Variants in ZNF385D observed in about 807,000 individuals in gnomAD.
ZNF385D encodes the protein zinc finger protein 659.
Under a neutral mutation model 35.8 loss-of-function variants are expected in ZNF385D, and 15 were observed. That is an observed-to-expected ratio of 0.42 (90% CI 0.28 to 0.64). The LOEUF (loss-of-function observed/expected upper bound fraction) is 0.64, where lower values mean the gene tolerates loss of function less well. Ranked by LOEUF, ZNF385D falls within the 30% of genes least tolerant of loss-of-function variation. The probability of loss-of-function intolerance (pLI) is 0.23; values close to 1 mark genes in which losing one functional copy is unlikely to be tolerated. For synonymous variants in ZNF385D, 212 were observed against 186.8 expected (o/e 1.13, Z -1.10); for missense variants, 474 against 494.6 (o/e 0.96, Z 0.39).
chr3:22,355,061 C>A (rs1045660360), intron 2 of ZNF385D, among the ~76,000 whole-genome samples: 3 of 151,834 alleles, frequency 2.0e-5, no homozygotes, highest in Admixed American at 2.0e-4. Context: ...TGTTTGTGAG[C>A]CTCTATATTT....
intron 4 of ZNF385D, among the ~76,000 whole-genome samples, chr3:21,447,031 T>C (rs746528531): frequency 5.9e-5 from 9 of 152,198 alleles, no homozygotes; most frequent in Non-Finnish European, 1.2e-4. Context: ...TAAAGCACAG[T>C]TCATCCTCTC....
intron 3 of ZNF385D, among the ~76,000 whole-genome samples, chr3:22,124,167 A>G (rs1241485879): frequency 2.0e-5 from 3 of 151,914 alleles, no homozygotes; most frequent in East Asian, 1.9e-4. Flanking sequence ...TTTAGCTCCC[A>G]CAAGTGAGAA....
At chr3:22,168,898 G>T in exon 3 of ZNF385D, 36 of 985,810 alleles carry the variant, frequency 3.7e-5, no homozygotes, top group Non-Finnish European at 4.1e-5. Context: ...ATTTGTGCTT[G>T]AGCGGCTGAA....
At position 21,529,192 on chromosome 3, in the gene ZNF385D, G is replaced by GTC. The variant is rs2061860588; in HGVS notation, c.277-18170_277-18169insGA. On this transcript the variant is annotated intron_variant, in intron 3 of 7. Transcript: ENST00000281523. ...CTCAAATGTTCCACCTGAAACTAGA[G>GTC]ATAGAATATGACTGTGGGGTTTTCT... Among the ~76,000 whole-genome samples the GTC allele has an allele frequency of 2.0e-5, 3 of 152,114 alleles. 1 individual carries two copies. Among genetic ancestry groups the GTC allele is most frequent in the Non-Finnish European group, 4.4e-5 (3 of 68,034 alleles).
chr3:22,294,126 A>G (rs76637864), intron 2 of ZNF385D, among the ~76,000 whole-genome samples: 1 of 151,986 alleles, frequency 6.6e-6, no homozygotes, highest in Non-Finnish European at 1.5e-5. Flanking sequence ...TATAAATATA[A>G]CCTTAATATT....
rs150034567 is a variant in ZNF385D, at chr3:22,123,092, A to G, written c.325+45725T>C. On this transcript the variant is annotated intron_variant, in intron 3 of 5. Coordinates refer to the ZNF385D transcript ENST00000494108. ...TAGCATCTGACATCTGTTCTGATAG[A>G]AACACTCTGGATGATGAGTTGATAG... Among the ~76,000 whole-genome samples the G allele has an allele frequency of 4.1e-3, 620 of 152,304 alleles. 2 individuals are homozygous for G. Among genetic ancestry groups the G allele is most frequent in the Non-Finnish European group, 6.8e-3 (463 of 68,024 alleles).
At chr3:22,208,454 G>A (rs988598928) in intron 2 of ZNF385D, among the ~76,000 whole-genome samples, 1 of 151,648 alleles carries the variant, frequency 6.6e-6, no homozygotes, top group Admixed American at 6.6e-5. Context: ...GTGTGGGGTG[G>A]GTAGATGGGT....
intron 3 of ZNF385D, among the ~76,000 whole-genome samples, chr3:21,765,663 G>A (rs965627791): frequency 2.0e-5 from 3 of 151,672 alleles, no homozygotes; most frequent in Admixed American, 1.3e-4. Flanking sequence ...ATAGAAAGAG[G>A]AAGAAATAGA....
In ZNF385D at chr3:21,776,947, G is replaced by A. The variant is rs531850524; in HGVS notation, c.326-111919C>T. 3.9e-5 allele frequency among the ~76,000 whole-genome samples: 6 copies of A among 152,004 alleles called. No homozygotes were observed. The East Asian group carries it at 7.8e-4, about 20-fold the overall frequency. On this transcript the variant is annotated intron_variant, in intron 3 of 5. Coordinates refer to the ZNF385D transcript ENST00000494108. ...AGTTCTCTCCCCATAGCTGCTGAAC[G>A]GTGCTAAAGAGGAATCCCTGCAAAC...
At chr3:21,988,230 A>G (rs1000939272) in intron 3 of ZNF385D, among the ~76,000 whole-genome samples, 2 of 126,276 alleles carry the variant, frequency 1.6e-5, no homozygotes, top group African/African-American at 5.8e-5. Flanking sequence ...GTTCCTTTGG[A>G]GGAGGAGAGG....
At chr3:22,149,903 A>G (rs1048369999) in intron 3 of ZNF385D, among the ~76,000 whole-genome samples, 12 of 152,166 alleles carry the variant, frequency 7.9e-5, no homozygotes, top group African/African-American at 2.9e-4. Context: ...TGTATGTAAG[A>G]AACATTCCAG....
At chr3:21,693,882 C>CT (rs555946193) in intron 1 of ZNF385D, among the ~76,000 whole-genome samples, 2,541 of 118,308 alleles carry the variant, frequency 0.021, 49 homozygotes, top group African/African-American at 0.036. Flanking sequence ...CTTTTTTTTT[C>CT]TTTTTTTTTT....
rs1231405950 is a variant in ZNF385D at position 21,684,212 on chromosome 3, A to C, written c.23-19184T>G. Among the ~76,000 whole-genome samples, 16 of 148,804 alleles carry C rather than the reference A, an allele frequency of 1.1e-4. 1 individual carries two copies. Among genetic ancestry groups the C allele is most frequent in the African/African-American group, 3.5e-4 (14 of 40,284 alleles). On this transcript the variant is annotated intron_variant, in intron 1 of 7. Coordinates refer to ENST00000281523, the MANE Select transcript of ZNF385D (RefSeq NM_024697.3). ...TACTCCTGGCCCCTTTAGTTTATAA[A>C]GCGCCATGTTTAGGAGTTGTCTCTC... is the stretch of plus-strand genomic sequence containing the variant.
At chr3:21,810,172 T>C (rs1302634119) in intron 3 of ZNF385D, among the ~76,000 whole-genome samples, 1 of 152,060 alleles carries the variant, frequency 6.6e-6, no homozygotes, top group Non-Finnish European at 1.5e-5. Flanking sequence ...ATCTACAATG[T>C]ATAAAAAGAA....
intron 2 of ZNF385D, among the ~76,000 whole-genome samples, chr3:22,212,423 G>A (rs1697584576): frequency 6.6e-6 from 1 of 152,166 alleles, no homozygotes; most frequent in Admixed American, 6.6e-5. Context: ...AGAAATTGAT[G>A]AGCCCAGATC....
chr3:22,184,023 C>CA (rs1472029545), intron 2 of ZNF385D, among the ~76,000 whole-genome samples: 2 of 151,698 alleles, frequency 1.3e-5, no homozygotes, highest in African/African-American at 4.8e-5. Context: ...AACTAAATAT[C>CA]AACTCCAATT....
intron 2 of ZNF385D, among the ~76,000 whole-genome samples, chr3:22,358,744 G>A (rs933932867): frequency 2.0e-5 from 3 of 151,700 alleles, no homozygotes; most frequent in Non-Finnish European, 4.4e-5. Flanking sequence ...TGTGGAGCAG[G>A]CATTGGACAG....
At chr3:21,986,082 C>A (rs1361028373) in intron 3 of ZNF385D, among the ~76,000 whole-genome samples, 1 of 100,912 alleles carries the variant, frequency 9.9e-6, no homozygotes, top group African/African-American at 6.4e-5. Context: ...GTCTTCCTAG[C>A]AGTCTATCAA....
chr3:22,232,202 T>C (rs1257720741), intron 2 of ZNF385D, among the ~76,000 whole-genome samples: 1 of 152,218 alleles, frequency 6.6e-6, no homozygotes, highest in Non-Finnish European at 1.5e-5. Context: ...GGAGATCATC[T>C]GGAATCATTA....
Sources: gnomAD v4.1 joint callset for allele counts (sites outside exome capture counted in the v4.1 genomes callset) on GRCh38, gnomAD v4.1.1 for gene constraint, MANE v1.5 for transcripts, NCBI Gene and HGNC (gene_info 2026-07-23, HGNC 2026-07-21) for gene names.